The following AGAP1 variants were observed in gnomAD, a reference collection of about 807,000 sequenced individuals.
AGAP1 encodes ArfGAP with GTPase domain, ankyrin repeat and PH domain 1.
In AGAP1, 29 loss-of-function variants were observed where a neutral mutation model predicts 105.3. That is an observed-to-expected ratio of 0.28 (90% CI 0.21 to 0.38). The LOEUF (loss-of-function observed/expected upper bound fraction) is 0.38, where lower values mean the gene tolerates loss of function less well. Among genes scored for constraint, AGAP1 ranks in the 10% least tolerant of loss-of-function variants. The pLI is 1.00. For missense variants in AGAP1, 998 were observed against 1,165.1 expected, an observed-to-expected ratio of 0.86 and a Z score of 2.09; for synonymous variants, 509 against 485.9, an observed-to-expected ratio of 1.05 and a Z score of -0.63.
chr2:236,029,138 G>A (rs2057144317), intron 13 of AGAP1, among the ~76,000 whole-genome samples: 2 of 151,318 alleles, frequency 1.3e-5, no homozygotes, highest in Admixed American at 1.3e-4. Flanking sequence ...CTTTCCCATG[G>A]TAGACATTGT....
Position 236,027,962 on chromosome 2 carries a change from G to T in AGAP1, c.1646-8599G>T, listed in dbSNP as rs900575523. On this transcript the variant is annotated intron_variant, in intron 13 of 17. Coordinates refer to ENST00000304032, the MANE Select transcript of AGAP1 (RefSeq NM_001037131.3). The surrounding 1 kb of genome is among the most constrained non-coding windows in gnomAD (Gnocchi z 4.4). ...CTGTTGGTCCCGGGGATTGCGATTC[G>T]TGTCTTTATTTCTTCATTATTTGTA... 1.3e-5 allele frequency among the ~76,000 whole-genome samples: 2 copies of T among 152,100 alleles called. No individual in the cohort carries two copies. The highest frequency in any genetic ancestry group is 4.8e-5 in the African/African-American group (2 of 41,400).
intron 9 of AGAP1, among the ~76,000 whole-genome samples, chr2:235,837,039 G>A (rs1960250249): frequency 2.6e-5 from 4 of 152,336 alleles, no homozygotes; most frequent in Admixed American, 2.0e-4. Context: ...GGTCTGGAGT[G>A]CAGTGGCGCA....
chr2:235,717,450 G>T, intron 2 of AGAP1, 107 bp from the exon 3 acceptor site: 3 of 860,214 alleles, frequency 3.5e-6, no homozygotes, highest in South Asian at 1.9e-5. Flanking sequence ...GCCAGTGCTT[G>T]GTTATGTTTG....
In AGAP1 at chr2:235,535,243, G is replaced by T. The variant is rs1045508711; in HGVS notation, c.163+40394G>T. 6.6e-6 allele frequency among the ~76,000 whole-genome samples: 1 copy of T among 152,138 alleles called. No homozygotes were observed. The highest frequency in any genetic ancestry group is 6.5e-5 in the Admixed American group (1 of 15,284). ...GACCCGATGGAGCAGGTTTCACAGTGCCCTCGCTGCTGCCTCCCGTTTCAT... is the reference window on the plus strand; with the variant it reads ...GACCCGATGGAGCAGGTTTCACAGTTCCCTCGCTGCTGCCTCCCGTTTCAT... On this transcript the variant is annotated intron_variant, in intron 1 of 17. Coordinates refer to ENST00000304032, the MANE Select transcript of AGAP1 (RefSeq NM_001037131.3). This position sits in a 1 kb window ranked among gnomAD's most constrained non-coding sequence, Gnocchi z 5.1.
rs939836484 is a variant in AGAP1 at position 235,931,496 on chromosome 2, G to A, written c.1483+573G>A. ...AGCTTTTTGGGGAATAAGCATGCAC[G>A]TTGGAAACGATCTCGCCGTCTGTGT... On this transcript the variant is annotated intron_variant, in intron 12 of 17. Coordinates refer to ENST00000304032, the MANE Select transcript of AGAP1 (RefSeq NM_001037131.3). The surrounding 1 kb of genome is among the most constrained non-coding windows in gnomAD (Gnocchi z 5.6). Among the ~76,000 whole-genome samples, 6 of 151,942 alleles carry A rather than the reference G, an allele frequency of 3.9e-5. No individual in the cohort carries two copies. Among genetic ancestry groups the A allele is most frequent in the Admixed American group, 1.3e-4 (2 of 15,262 alleles).
At chr2:235,860,714 TAATC>T (rs1277044346) in intron 9 of AGAP1, among the ~76,000 whole-genome samples, 9 of 152,228 alleles carry the variant, frequency 5.9e-5, no homozygotes, top group Admixed American at 3.3e-4. Flanking sequence ...TGAAGTAAAT[TAATC>T]AAATAATTGC....
At chr2:235,618,124 G>A (rs1055291702) in intron 1 of AGAP1, among the ~76,000 whole-genome samples, 2 of 152,028 alleles carry the variant, frequency 1.3e-5, no homozygotes, top group Non-Finnish European at 2.9e-5. Context: ...GGTCTTGGGC[G>A]CGTGCAGTTT....
intron 9 of AGAP1, among the ~76,000 whole-genome samples, chr2:235,846,680 A>G (rs564743008): frequency 6.6e-6 from 1 of 152,300 alleles, no homozygotes; most frequent in Non-Finnish European, 1.5e-5. Context: ...GACAAAGCCC[A>G]GGCTGGAGTG....
Position 235,662,382 on chromosome 2 carries a change from C to T in AGAP1, c.164-46797C>T, listed in dbSNP as rs181036172. Among the ~76,000 whole-genome samples, 80 of 152,308 alleles carry T rather than the reference C, an allele frequency of 5.3e-4. No homozygotes were observed. Among genetic ancestry groups the T allele is most frequent in the Middle Eastern group, 6.8e-3 (2 of 294 alleles). ...GTAACCAACCAGGTCTCACCTTCAG[C>T]CACACTCCTAGGGACAGAGTGCGTC... is the stretch of plus-strand genomic sequence containing the variant. On this transcript the variant is annotated intron_variant, in intron 1 of 17. Coordinates refer to ENST00000304032, the MANE Select transcript of AGAP1 (RefSeq NM_001037131.3). The surrounding 1 kb of genome is among the most constrained non-coding windows in gnomAD (Gnocchi z 4.2).
chr2:236,105,550 C>CTT lies in AGAP1; in HGVS notation c.2115-14620_2115-14619dup, dbSNP rs71039711. Among the ~76,000 whole-genome samples, 234 of 81,308 alleles carry CTT rather than the reference C, an allele frequency of 2.9e-3. 6 individuals are homozygous for CTT. The highest frequency in any genetic ancestry group is 0.011 in the African/African-American group (201 of 17,496). The allele number at this position is 81,308 out of a possible 152,430, so 53.3% of individuals were successfully genotyped here. On this transcript the variant is annotated intron_variant, in intron 16 of 17. Transcript: ENST00000304032. This position sits in a 1 kb window ranked among gnomAD's most constrained non-coding sequence, Gnocchi z 4.2. ...GAGAGGAGAGGGGCATCTCTCGTGTCTTTTTTTTTTTTTTTTTTTTTTTGA... is the reference window on the plus strand; with the variant it reads ...GAGAGGAGAGGGGCATCTCTCGTGTCTTTTTTTTTTTTTTTTTTTTTTTTTGA...
intron 1 of AGAP1, among the ~76,000 whole-genome samples, chr2:235,505,136 C>T (rs1256707292): frequency 6.6e-6 from 1 of 152,214 alleles, no homozygotes; most frequent in African/African-American, 2.4e-5. Context: ...AGGGAATTCA[C>T]TCTGTATGTT....
intron 1 of AGAP1, among the ~76,000 whole-genome samples, chr2:235,658,310 G>C (rs774337351): frequency 2.0e-5 from 3 of 152,190 alleles, no homozygotes; most frequent in Non-Finnish European, 4.4e-5. Context: ...CCTTGGAGGG[G>C]TCTGGGTTGA....
At chr2:235,629,887 AGAAC>A in intron 1 of AGAP1, among the ~76,000 whole-genome samples, 1 of 150,428 alleles carries the variant, frequency 6.6e-6, no homozygotes, top group African/African-American at 2.4e-5. Context: ...AAAAAAAGAA[AGAAC>A]AGAAATCACC....
intron 16 of AGAP1, among the ~76,000 whole-genome samples, chr2:236,110,771 T>G (rs561662163): frequency 6.6e-6 from 1 of 152,202 alleles, no homozygotes; most frequent in Non-Finnish European, 1.5e-5. Context: ...GGAGAAATTA[T>G]GCAGAAAGGC....
At chr2:235,834,439 C>T (rs551857636) in intron 9 of AGAP1, among the ~76,000 whole-genome samples, 157 of 152,314 alleles carry the variant, frequency 1.0e-3, no homozygotes, top group Non-Finnish European at 1.7e-3. Flanking sequence ...CTGCTTCCCC[C>T]GCTGCGTCCT....
chr2:235,523,135 G>C (rs1942690027), intron 1 of AGAP1, among the ~76,000 whole-genome samples: 1 of 152,160 alleles, frequency 6.6e-6, no homozygotes, highest in South Asian at 2.1e-4. Flanking sequence ...ATGGTGGAGA[G>C]AGAGAGAGAA....
In AGAP1 at chr2:235,740,682, A is replaced by G. The variant is rs1952526386; in HGVS notation, c.311-281A>G. On this transcript the variant is annotated intron_variant, in intron 3 of 17. Coordinates refer to ENST00000304032, the MANE Select transcript of AGAP1 (RefSeq NM_001037131.3). This position sits in a 1 kb window ranked among gnomAD's most constrained non-coding sequence, Gnocchi z 5.7. The stretch of plus-strand genomic sequence containing the variant: ...AGTGAGAATTCCTGAATTTACATAG[A>G]AAGCCCACATGAGAAGTCCACACTA... 6.6e-6 allele frequency among the ~76,000 whole-genome samples: 1 copy of G among 152,252 alleles called. No individual in the cohort carries two copies. The highest frequency in any genetic ancestry group is 2.4e-5 in the African/African-American group (1 of 41,470).
intron 1 of AGAP1, among the ~76,000 whole-genome samples, chr2:235,678,748 C>A (rs1006729951): frequency 6.6e-6 from 1 of 151,980 alleles, no homozygotes; most frequent in Non-Finnish European, 1.5e-5. Flanking sequence ...CCCGCCCCCA[C>A]CTTGGGATCC....
intron 1 of AGAP1, among the ~76,000 whole-genome samples, chr2:235,602,044 C>T (rs1177147021): frequency 6.6e-6 from 1 of 152,194 alleles, no homozygotes; most frequent in Non-Finnish European, 1.5e-5. Context: ...AGGATAAACA[C>T]CGATGTCCTT....
Sources: gnomAD v4.1 joint callset for allele counts (sites outside exome capture counted in the v4.1 genomes callset) on GRCh38, gnomAD v4.1.1 for gene constraint, Gnocchi (gnomAD v3.1) non-coding constraint, MANE v1.5 for transcripts, NCBI Gene and HGNC (gene_info 2026-07-23, HGNC 2026-07-21) for gene names.